The following PDE3B variants were observed in gnomAD, a reference collection of about 807,000 sequenced individuals.
The protein encoded by PDE3B is phosphodiesterase 3B, also known as cGMP-inhibited 3',5'-cyclic phosphodiesterase 3B.
A neutral mutation model predicts 116.8 loss-of-function variants in PDE3B; 66 were observed. That is an observed-to-expected ratio of 0.56 (90% CI 0.46 to 0.69). PDE3B has a LOEUF of 0.69. Among genes scored for constraint, PDE3B ranks in the 30% least tolerant of loss-of-function variants. PDE3B has a pLI of 0.00. For synonymous variants in PDE3B, 595 were observed against 533.6 expected (o/e 1.12, Z -1.59); for missense variants, 1,384 against 1,368.1 (o/e 1.01, Z -0.18).
intron 1 of PDE3B, among the ~76,000 whole-genome samples, chr11:14,757,694 T>C (rs1219816979): frequency 7.2e-6 from 1 of 138,544 alleles, no homozygotes; most frequent in East Asian, 2.1e-4. Context: ...TTGTAGATTC[T>C]GGATATTAGC....
the PDE3B span, chr11:14,885,853 T>C: frequency 5.0e-6 from 8 of 1,613,486 alleles, no homozygotes; most frequent in African/African-American, 1.1e-4. Context: ...AACAAGGCAT[T>C]CCTTTACTAC....
chr11:14,862,033 G>T (rs574994516), intron 14 of PDE3B, among the ~76,000 whole-genome samples: 66 of 152,304 alleles, frequency 4.3e-4, no homozygotes, highest in Admixed American at 1.2e-3. Flanking sequence ...GTTCATGGAA[G>T]AAGGTCATAT....
At chr11:14,885,778 C>CCCATTTTTGT in the PDE3B span, 1 of 1,612,218 alleles carries the variant, frequency 6.2e-7, no homozygotes, top group South Asian at 1.1e-5. Flanking sequence ...AAACATACCT[C>CCCATTTTTGT]CCATTTTTGT....
At chr11:14,702,022 T>C (rs887377081) in intron 1 of PDE3B, among the ~76,000 whole-genome samples, 4 of 151,666 alleles carry the variant, frequency 2.6e-5, no homozygotes, top group African/African-American at 9.7e-5. Context: ...TCCCTTTTTT[T>C]GATTCTTTCT....
chr11:14,662,760 A>G (rs1283350501), intron 1 of PDE3B, among the ~76,000 whole-genome samples: 2 of 152,206 alleles, frequency 1.3e-5, no homozygotes, highest in Non-Finnish European at 2.9e-5. Flanking sequence ...TTTAGAGAAA[A>G]GAGAATAACA....
At position 14,863,161 on chromosome 11, in the gene PDE3B, T is replaced by C. The variant is rs1416569819; in HGVS notation, c.2886+1795T>C. Reference sequence around the variant, plus strand: ...TTTGGTTTTCTGTTTCTGTTTTTGCTGAGAATGATGGTTTCCAGCTTCATC... The same window carrying C: ...TTTGGTTTTCTGTTTCTGTTTTTGCCGAGAATGATGGTTTCCAGCTTCATC... On this transcript the variant is annotated intron_variant, in intron 14 of 15. Coordinates refer to ENST00000282096, the MANE Select transcript of PDE3B (RefSeq NM_000922.4). Among the ~76,000 whole-genome samples, 5 of 152,194 alleles carry C rather than the reference T, an allele frequency of 3.3e-5. No individual in the cohort carries two copies. The East Asian group carries it at 9.6e-4, about 29-fold the overall frequency.
chr11:14,885,057 A>G, the PDE3B span, among the ~76,000 whole-genome samples: 1 of 152,090 alleles, frequency 6.6e-6, no homozygotes, highest in South Asian at 2.1e-4. Context: ...TTTTCAACCA[A>G]TGTCTTTAGT....
At chr11:14,883,669 A>C in the PDE3B span, among the ~76,000 whole-genome samples, 122 of 152,158 alleles carry the variant, frequency 8.0e-4, no homozygotes, top group South Asian at 6.2e-4. Flanking sequence ...GCAACAAAAG[A>C]CAAAATTGAC....
chr11:14,861,462 C>G, intron 14 of PDE3B, 96 bp downstream of exon 14: 2 of 1,141,028 alleles, frequency 1.8e-6, no homozygotes. Context: ...TGTTTGAAAT[C>G]TGAGTTGCTT....
At chr11:14,680,780 C>CA (rs5789847) in intron 1 of PDE3B, among the ~76,000 whole-genome samples, 53,863 of 143,620 alleles carry the variant, frequency 0.38, 10,638 homozygotes, top group South Asian at 0.48. Context: ...GAAATGACTT[C>CA]AAAAAAAAAA....
At chr11:14,844,902 G>T (rs1847561895) in intron 12 of PDE3B, among the ~76,000 whole-genome samples, 1 of 152,234 alleles carries the variant, frequency 6.6e-6, no homozygotes, top group Non-Finnish European at 1.5e-5. Flanking sequence ...TCCACCTCTG[G>T]GGGCAGGGCA....
chr11:14,749,899 C>CATATATATATATATATATATATAT (rs66919202), intron 1 of PDE3B, among the ~76,000 whole-genome samples: 1,768 of 77,346 alleles, frequency 0.023, 227 homozygotes, highest in African/African-American at 0.047. Context: ...AAATATATCC[C>CATATATATATATATATATATATAT]ATATATATAT....
chr11:14,660,271 T>G (rs1402030149), intron 1 of PDE3B, among the ~76,000 whole-genome samples: 10 of 151,752 alleles, frequency 6.6e-5, no homozygotes, highest in Non-Finnish European at 1.5e-4. Flanking sequence ...AGAGCTTATT[T>G]CTAATATTCC....
At chr11:14,678,807 T>C (rs1039470561) in intron 1 of PDE3B, among the ~76,000 whole-genome samples, 2 of 152,170 alleles carry the variant, frequency 1.3e-5, no homozygotes, top group African/African-American at 2.4e-5. Context: ...TCTTTTGATG[T>C]AATATTTAAG....
chr11:14,745,572 T>C (rs1224370772), intron 1 of PDE3B, among the ~76,000 whole-genome samples: 4 of 152,198 alleles, frequency 2.6e-5, no homozygotes, highest in African/African-American at 7.2e-5. Context: ...CCATCATTTG[T>C]CAACTTTGAT....
downstream of PDE3B, among the ~76,000 whole-genome samples, chr11:14,875,478 G>A (rs1306381721): frequency 6.6e-6 from 1 of 152,156 alleles, no homozygotes; most frequent in Non-Finnish European, 1.5e-5. Context: ...TAACATTTGA[G>A]TTAGTAGCTT....
At chr11:14,693,444 T>C (rs1161769372) in intron 1 of PDE3B, among the ~76,000 whole-genome samples, 1 of 152,228 alleles carries the variant, frequency 6.6e-6, no homozygotes, top group Non-Finnish European at 1.5e-5. Context: ...AAGCCTAGGC[T>C]GACTGTCTTG....
intron 1 of PDE3B, among the ~76,000 whole-genome samples, chr11:14,733,370 C>T (rs1007151710): frequency 1.3e-5 from 2 of 152,090 alleles, no homozygotes; most frequent in African/African-American, 2.4e-5. Flanking sequence ...TCTTTTCCTG[C>T]GCATTCTCTC....
At chr11:14,863,680 C>T (rs1225040062) in intron 14 of PDE3B, among the ~76,000 whole-genome samples, 1 of 152,128 alleles carries the variant, frequency 6.6e-6, no homozygotes, top group African/African-American at 2.4e-5. Context: ...ATTCTCAACC[C>T]AGAATTTCAT....
Sources: allele counts gnomAD v4.1 joint callset (sites outside exome capture counted in the v4.1 genomes callset), GRCh38; gene constraint gnomAD v4.1.1; transcripts MANE v1.5; gene names NCBI Gene and HGNC (gene_info 2026-07-23, HGNC 2026-07-21).